TNRC18: variants seen among roughly 807,000 people sequenced by gnomAD.
The protein encoded by TNRC18 is trinucleotide repeat-containing gene 18 protein.
Under a neutral mutation model 226.7 loss-of-function variants are expected in TNRC18, and 69 were observed. That is an observed-to-expected ratio of 0.30 (90% CI 0.25 to 0.37). TNRC18 has a LOEUF of 0.37. TNRC18 is among the 10% of genes least tolerant of loss of function. The probability of loss-of-function intolerance (pLI) is 1.00; values close to 1 mark genes in which losing one functional copy is unlikely to be tolerated. For missense variants in TNRC18, 4,754 were observed against 4,256.6 expected, an observed-to-expected ratio of 1.12 and a Z score of -3.25; for synonymous variants, 2,449 against 1,927.6, an observed-to-expected ratio of 1.27 and a Z score of -7.09.
At chr7:5,417,285 T>A (rs953191510) in intron 2 of TNRC18, among the ~76,000 whole-genome samples, 1 of 152,078 alleles carries the variant, frequency 6.6e-6, no homozygotes, top group Non-Finnish European at 1.5e-5. Context: ...CGGGGCAACA[T>A]AGCAAGACCC....
chr7:5,419,322 T>A (rs572680210), intron 2 of TNRC18, among the ~76,000 whole-genome samples: 3 of 151,794 alleles, frequency 2.0e-5, no homozygotes, highest in Non-Finnish European at 4.4e-5. Context: ...AGGCGGGGAG[T>A]GCGCGACGCC....
intron 17 of TNRC18, among the ~76,000 whole-genome samples, chr7:5,347,191 T>A (rs913464558): frequency 1.4e-5 from 2 of 147,534 alleles, no homozygotes; most frequent in African/African-American, 5.0e-5. Context: ...AAAAAAAAAT[T>A]TTTTTTTTTT....
intron 1 of TNRC18, among the ~76,000 whole-genome samples, chr7:5,422,566 GCT>G (rs1250537660): frequency 6.6e-6 from 1 of 152,164 alleles, no homozygotes; most frequent in Non-Finnish European, 1.5e-5. Context: ...GGAGGCCTGG[GCT>G]CTCTTAAGAG....
At chr7:5,415,830 G>C (rs540903842) in intron 2 of TNRC18, among the ~76,000 whole-genome samples, 1 of 151,948 alleles carries the variant, frequency 6.6e-6, no homozygotes, top group East Asian at 2.0e-4. Context: ...AGTTAAGCTG[G>C]GAGTGGTGGC....
chr7:5,342,522 G>C (rs537767094), intron 18 of TNRC18, among the ~76,000 whole-genome samples: 2 of 152,204 alleles, frequency 1.3e-5, no homozygotes, highest in Non-Finnish European at 2.9e-5. Flanking sequence ...TACTGCAGAC[G>C]TGGTGGAAAC....
intron 5 of TNRC18, among the ~76,000 whole-genome samples, chr7:5,382,629 C>T (rs1779477837): frequency 6.6e-6 from 1 of 152,196 alleles, no homozygotes; most frequent in Non-Finnish European, 1.5e-5. Flanking sequence ...CACCCCCAGC[C>T]GCCCCCTGTG....
chr7:5,356,883 C>A, intron 16 of TNRC18, 33 bp downstream of exon 16: 5 of 1,486,806 alleles, frequency 3.4e-6, no homozygotes, highest in Non-Finnish European at 4.5e-6. Flanking sequence ...AGAGAAGCAG[C>A]GGACCAGAGG....
Position 5,362,034 on chromosome 7 carries a change from CTG to C in TNRC18, c.4396-3_4396-2del, listed in dbSNP as rs1793109842. ...CCAGGGAGGACTTCATGGCATACAT[CTG>C]GGGGAAGAACCGGGAGAGGAGGAGG... On this transcript the variant is annotated splice_acceptor_variant and splice_polypyrimidine_tract_variant and intron_variant, in intron 12 of 29. Transcript: ENST00000430969. LOFTEE classifies it high-confidence loss of function. 3 of 1,612,528 alleles carry C rather than the reference CTG, an allele frequency of 1.9e-6. No homozygotes were observed. The highest frequency in any genetic ancestry group is 1.1e-5 in the South Asian group (1 of 90,964).
intron 2 of TNRC18, among the ~76,000 whole-genome samples, chr7:5,401,872 G>GGA (rs1490728268): frequency 1.3e-5 from 2 of 152,064 alleles, no homozygotes; most frequent in Non-Finnish European, 2.9e-5. Flanking sequence ...AGGACCGCCG[G>GGA]GAGCTTAAGA....
rs375922993 is a variant in TNRC18 at position 5,324,276 on chromosome 7, G to C, written c.6380C>G (p.Ser2127Trp). The change falls in exon 21 of 30, where the codon TCG becomes TGG. Residue 2127 changes from serine to tryptophan, a missense_variant. Ser to Trp is a radical substitution (Grantham distance 177). Transcript: ENST00000430969. The surrounding 1 kb of genome is among the most constrained non-coding windows in gnomAD (Gnocchi z 4.8). ...AEEDFEPNQD[S>W]SFSEDEHLPR... is the part of the protein sequence containing the mutation. Reference sequence around the variant, plus strand: ...CAGGTGCTCGTCCTCAGAGAAGCTCGAGTCTTGGTTGGGTTCAAAGTCCTC... The same window carrying C: ...CAGGTGCTCGTCCTCAGAGAAGCTCCAGTCTTGGTTGGGTTCAAAGTCCTC... The C allele has an allele frequency of 2.5e-6, 4 of 1,613,322 alleles. No individual in the cohort carries two copies. Among genetic ancestry groups the C allele is most frequent in the African/African-American group, 1.3e-5 (1 of 75,060 alleles).
chr7:5,316,786 C>G (rs549095289), intron 24 of TNRC18, among the ~76,000 whole-genome samples: 1 of 152,290 alleles, frequency 6.6e-6, no homozygotes, highest in South Asian at 2.1e-4. Flanking sequence ...CGTGCAGGAA[C>G]GGGCTTTGAT....
At chr7:5,407,610 G>T (rs1353556848) in intron 2 of TNRC18, among the ~76,000 whole-genome samples, 1 of 152,184 alleles carries the variant, frequency 6.6e-6, no homozygotes, top group Non-Finnish European at 1.5e-5. Flanking sequence ...ACTTTGTCTT[G>T]CTCCAATCAG....
At chr7:5,369,644 G>C (rs1049418417) in intron 11 of TNRC18, among the ~76,000 whole-genome samples, 1 of 152,150 alleles carries the variant, frequency 6.6e-6, no homozygotes, top group Non-Finnish European at 1.5e-5. Context: ...TGTAGGAAAA[G>C]AAAGACTTGG....
rs779806302 is a variant in TNRC18 at position 5,309,333 on chromosome 7, G to A, written c.8424C>T (p.Phe2808=). 7.4e-6 allele frequency: 12 copies of A among 1,613,688 alleles called. No homozygotes were observed. The East Asian group carries it at 1.6e-4, about 21-fold the overall frequency. The change falls in exon 28 of 30, where the codon TTC becomes TTT. Residue 2808 remains phenylalanine, a synonymous_variant. Coordinates refer to ENST00000430969, the MANE Select transcript of TNRC18 (RefSeq NM_001080495.3). This position sits in a 1 kb window ranked among gnomAD's most constrained non-coding sequence, Gnocchi z 5.7. ...CCTTGCCGCGCACGATGGCCTTGTAGAAGAGCTTGCGGGCCTTGCCCTTCA... is the reference window on the plus strand; with the variant it reads ...CCTTGCCGCGCACGATGGCCTTGTAAAAGAGCTTGCGGGCCTTGCCCTTCA... ...RGMKGKARKL[F]YKAIVRGKEM... is the part of the protein sequence containing the mutation.
rs1321115654 is a variant in TNRC18, at chr7:5,394,980, C to T, written c.188-385G>A. Among the ~76,000 whole-genome samples, 1 of 152,184 alleles carries T rather than the reference C, an allele frequency of 6.6e-6. No homozygotes were observed. ...GAAGTCGGTGGCGCACTGGGACTTC[C>T]AGAGGCCACAGGGCAAGGCGGTGGG... On this transcript the variant is annotated intron_variant, in intron 2 of 29. Coordinates refer to ENST00000430969, the MANE Select transcript of TNRC18 (RefSeq NM_001080495.3). The surrounding 1 kb of genome is among the most constrained non-coding windows in gnomAD (Gnocchi z 4.5).
chr7:5,383,988 A>C (rs1414926564), intron 5 of TNRC18, among the ~76,000 whole-genome samples: 1 of 102,426 alleles, frequency 9.8e-6, no homozygotes, highest in Admixed American at 1.3e-4. Flanking sequence ...TTTTTGAGAT[A>C]GAGTTTCGCT....
At chr7:5,363,382 C>G (rs571399380) in intron 11 of TNRC18, among the ~76,000 whole-genome samples, 1 of 152,114 alleles carries the variant, frequency 6.6e-6, no homozygotes, top group South Asian at 2.1e-4. Context: ...GCGGGCAGAT[C>G]ATGAGGTCAG....
chr7:5,332,992 G>A lies in TNRC18; in HGVS notation c.5777C>T (p.Pro1926Leu). 1.9e-6 allele frequency: 3 copies of A among 1,573,564 alleles called. No homozygotes were observed. Among genetic ancestry groups the A allele is most frequent in the Non-Finnish European group, 2.6e-6 (3 of 1,167,956 alleles). ...CTTCTTGGGCCGCAGCAGCCCCGCA[G>A]GCGACCGCTTGCGCACCTTGACCTC... Reference protein sequence around the residue: ...ESEVKVRKRSPAGLLRPKKGL... With the variant: ...ESEVKVRKRSLAGLLRPKKGL... The change falls in exon 19 of 30, where the codon CCT becomes CTT. Residue 1926 changes from proline (P) to leucine (L), a missense_variant. By Grantham distance (98) the Pro-to-Leu change is moderately conservative. Transcript: ENST00000430969.
At chr7:5,399,186 G>A (rs936718203) in intron 2 of TNRC18, among the ~76,000 whole-genome samples, 8 of 152,078 alleles carry the variant, frequency 5.3e-5, no homozygotes, top group Admixed American at 3.3e-4. Context: ...CACCAAGAAG[G>A]ATGCAAGCCT....
Sources: allele counts gnomAD v4.1 joint callset (sites outside exome capture counted in the v4.1 genomes callset), GRCh38; gene constraint gnomAD v4.1.1; non-coding constraint Gnocchi (gnomAD v3.1); transcripts MANE v1.5; gene names NCBI Gene and HGNC (gene_info 2026-07-23, HGNC 2026-07-21).